Variants in ZYG11B observed in about 807,000 individuals in gnomAD.
ZYG11B encodes the protein zyg-11 family member B, cell cycle regulator.
ZYG11B carries 36 observed loss-of-function variants against 82.4 expected under a neutral mutation model. That is an observed-to-expected ratio of 0.44 (90% CI 0.33 to 0.58). The LOEUF is 0.58. Among genes scored for constraint, ZYG11B ranks in the 20% least tolerant of loss-of-function variants. ZYG11B has a pLI of 0.02. For synonymous variants in ZYG11B, 303 were observed against 312.8 expected, an observed-to-expected ratio of 0.97 and a Z score of 0.33; for missense variants, 552 against 895.6, an observed-to-expected ratio of 0.62 and a Z score of 4.90.
chr1:52,758,774 CTT>C (rs1264530267), intron 2 of ZYG11B, among the ~76,000 whole-genome samples: 1 of 152,092 alleles, frequency 6.6e-6, no homozygotes, highest in Non-Finnish European at 1.5e-5. Context: ...CCAGCAGTCT[CTT>C]TGAATTTTTC....
Position 52,806,176 on chromosome 1 carries a change from G to C in ZYG11B, c.1695+4037G>C, listed in dbSNP as rs564128843. On this transcript the variant is annotated intron_variant, in intron 10 of 13. Transcript: ENST00000294353. ...TCTGAATTTATTGAGACTTGTGAAT[G>C]GCCAAGGATATGGTCTATTTTGGTA... Among the ~76,000 whole-genome samples the C allele has an allele frequency of 2.0e-5, 3 of 152,176 alleles. No homozygotes were observed. The East Asian group carries it at 5.8e-4, about 29-fold the overall frequency.
chr1:52,770,997 A>G (rs752170318), intron 2 of ZYG11B, 23 bp from the exon 3 acceptor site: 155 of 1,577,800 alleles, frequency 9.8e-5, no homozygotes, highest in Admixed American at 3.2e-4. Flanking sequence ...TTTGAATTTA[A>G]AACGCTGCTT....
At chr1:52,753,884 C>G (rs947625389) in intron 1 of ZYG11B, among the ~76,000 whole-genome samples, 1 of 152,214 alleles carries the variant, frequency 6.6e-6, no homozygotes, top group Non-Finnish European at 1.5e-5. Context: ...GCGTAAGCCA[C>G]TGTGCCTGGT....
intron 1 of ZYG11B, among the ~76,000 whole-genome samples, chr1:52,745,500 T>C (rs1644468284): frequency 6.6e-6 from 1 of 152,304 alleles, no homozygotes; most frequent in South Asian, 2.1e-4. Context: ...CAGTAGACAC[T>C]GAAACATTTA....
rs867395869 is a variant in ZYG11B, at chr1:52,742,829, G to A, written c.31-13629G>A. On this transcript the variant is annotated intron_variant, in intron 1 of 13. Coordinates refer to ENST00000294353, the MANE Select transcript of ZYG11B (RefSeq NM_024646.3). ...TGCACTCCAGCCTGGGCGACAGAGC[G>A]AGCCTCCGTCTCAAAAAAAAAAAAA... Among the ~76,000 whole-genome samples, 8 of 148,454 alleles carry A rather than the reference G, an allele frequency of 5.4e-5. No individual in the cohort carries two copies. The South Asian group carries it at 1.5e-3, about 27-fold the overall frequency.
rs1645281728 is a variant in ZYG11B at position 52,821,359 on chromosome 1, AT to A, written c.2045-73del. ...TAAAAAAAAATGGCTCCTAGAAGTC[AT>A]TTTTTTGTGGAATAATTTTCAAGTG... On this transcript the variant is annotated intron_variant, in intron 13 of 13. Transcript: ENST00000294353. The A allele has an allele frequency of 6.9e-6, 10 of 1,443,270 alleles. No individual in the cohort carries two copies. In the South Asian group the frequency reaches 1.1e-4, roughly 15 times the overall value. The allele number at this position is 1,443,270 out of a possible 1,614,324, so 89.4% of individuals were successfully genotyped here.
At chr1:52,735,974 A>T (rs984309394) in intron 1 of ZYG11B, among the ~76,000 whole-genome samples, 6 of 152,160 alleles carry the variant, frequency 3.9e-5, no homozygotes, top group Non-Finnish European at 8.8e-5. Context: ...TTTTAAAATG[A>T]TACTCTGTTA....
chr1:52,741,515 C>T (rs932280006), intron 1 of ZYG11B, among the ~76,000 whole-genome samples: 1 of 152,042 alleles, frequency 6.6e-6, no homozygotes, highest in Non-Finnish European at 1.5e-5. Flanking sequence ...TCTCTGGATA[C>T]GTAGTCTTTT....
chr1:52,813,027 T>C (rs989495723), intron 10 of ZYG11B, among the ~76,000 whole-genome samples: 23 of 152,208 alleles, frequency 1.5e-4, no homozygotes, highest in African/African-American at 5.3e-4. Flanking sequence ...TATCAGACTT[T>C]ACCCTACGGT....
At chr1:52,811,139 TCTCA>T (rs1645179282) in intron 10 of ZYG11B, among the ~76,000 whole-genome samples, 1 of 152,160 alleles carries the variant, frequency 6.6e-6, no homozygotes, top group Non-Finnish European at 1.5e-5. Flanking sequence ...AGCAATGACT[TCTCA>T]CTCACGTGTT....
Position 52,730,469 on chromosome 1 carries a change from C to A in ZYG11B, c.30+3786C>A, listed in dbSNP as rs180846734. On this transcript the variant is annotated intron_variant, in intron 1 of 13. Coordinates refer to ENST00000294353, the MANE Select transcript of ZYG11B (RefSeq NM_024646.3). ...AGCCTCCCAAGTAAAGCTAGGACTTCAAGTGTGCTCTATTATGTGCAGCTG... is the reference window on the plus strand; with the variant it reads ...AGCCTCCCAAGTAAAGCTAGGACTTAAAGTGTGCTCTATTATGTGCAGCTG... 8.5e-5 allele frequency among the ~76,000 whole-genome samples: 13 copies of A among 152,200 alleles called. No individual in the cohort carries two copies. The East Asian group carries it at 2.5e-3, about 29-fold the overall frequency.
At chr1:52,776,079 C>T (rs527371155) in intron 3 of ZYG11B, among the ~76,000 whole-genome samples, 2 of 150,418 alleles carry the variant, frequency 1.3e-5, no homozygotes, top group Admixed American at 1.3e-4. Context: ...ATTAGCCGGG[C>T]GTGGTGGCGC....
chr1:52,797,459 T>TAA (rs1491268772), intron 8 of ZYG11B, among the ~76,000 whole-genome samples: 55 of 100,918 alleles, frequency 5.4e-4, no homozygotes, highest in African/African-American at 1.9e-3. Flanking sequence ...ATATCATATA[T>TAA]GATATATATA....
At chr1:52,767,405 A>G (rs1644707294) in intron 2 of ZYG11B, among the ~76,000 whole-genome samples, 1 of 152,108 alleles carries the variant, frequency 6.6e-6, no homozygotes, top group Non-Finnish European at 1.5e-5. Context: ...CCTGGGATCA[A>G]GCGATTCCCC....
intron 3 of ZYG11B, among the ~76,000 whole-genome samples, chr1:52,774,281 C>G (rs1644784607): frequency 6.7e-6 from 1 of 150,130 alleles, no homozygotes. Context: ...GCTGGGACCA[C>G]AAGCATGTGC....
chr1:52,742,210 C>A (rs115228672), intron 1 of ZYG11B, among the ~76,000 whole-genome samples: 3,707 of 152,200 alleles, frequency 0.024, 156 homozygotes, highest in African/African-American at 0.085. Flanking sequence ...ATTACCCCAG[C>A]ACTTTGGAGG....
Position 52,776,229 on chromosome 1 carries a change from A to AATATATAT in ZYG11B, c.952-3615_952-3608dup, listed in dbSNP as rs1293809937. ...AGCAAAACTCTGTCTTAAAAAAAAA[A>AATATATAT]ATATATATATATATATGCAATAAAG... On this transcript the variant is annotated intron_variant, in intron 3 of 13. Transcript: ENST00000294353. 1.7e-3 allele frequency among the ~76,000 whole-genome samples: 40 copies of AATATATAT among 23,472 alleles called. 2 individuals carry two copies. Among genetic ancestry groups the AATATATAT allele is most frequent in the Non-Finnish European group, 2.1e-3 (18 of 8,620 alleles). The allele number at this position is 23,472 out of a possible 152,430, so 15.4% of individuals were successfully genotyped here.
intron 4 of ZYG11B, among the ~76,000 whole-genome samples, chr1:52,783,843 T>C (rs1036465623): frequency 1.4e-5 from 2 of 145,718 alleles, no homozygotes; most frequent in African/African-American, 5.5e-5. Flanking sequence ...TGTGTATATG[T>C]ACATACACGT....
chr1:52,807,621 A>G (rs1392005635), intron 10 of ZYG11B, among the ~76,000 whole-genome samples: 2 of 151,380 alleles, frequency 1.3e-5, no homozygotes, highest in African/African-American at 4.9e-5. Flanking sequence ...CTTCCTGAGT[A>G]GTTGGAATTA....
Sources: gnomAD v4.1 joint callset for allele counts (sites outside exome capture counted in the v4.1 genomes callset) on GRCh38, gnomAD v4.1.1 for gene constraint, MANE v1.5 for transcripts, NCBI Gene and HGNC (gene_info 2026-07-23, HGNC 2026-07-21) for gene names.